Variants in CELF2 observed in about 807,000 individuals in gnomAD.
The protein encoded by CELF2 is CUGBP Elav-like family member 2, also known as CUG triplet repeat RNA-binding protein 2.
In CELF2, 8 loss-of-function variants were observed where a neutral mutation model predicts 62.6. That is an observed-to-expected ratio of 0.13 (90% CI 0.07 to 0.23). The LOEUF is 0.23. CELF2 is among the 10% of genes least tolerant of loss of function. The pLI, the probability that CELF2 is intolerant of heterozygous loss-of-function variation, is 1.00. For missense variants in CELF2, 333 were observed against 671.0 expected (o/e 0.50, Z 5.56); for synonymous variants, 258 against 250.0 (o/e 1.03, Z -0.30).
the CELF2 span, among the ~76,000 whole-genome samples, chr10:10,697,012 T>G: frequency 6.6e-6 from 1 of 152,152 alleles, no homozygotes; most frequent in African/African-American, 2.4e-5. Context: ...TTATGGTGAT[T>G]TTTAAGGTAC....
chr10:11,226,363 G>GT (rs1565412949), intron 3 of CELF2, among the ~76,000 whole-genome samples: 1 of 152,234 alleles, frequency 6.6e-6, no homozygotes, highest in Non-Finnish European at 1.5e-5. Flanking sequence ...CTGTGTGTTG[G>GT]TGCAGGCTTG....
chr10:11,165,548 C>T lies in CELF2; in HGVS notation c.137C>T (p.Ala46Val). 6.2e-7 allele frequency: 1 copy of T among 1,614,188 alleles called. No individual in the cohort carries two copies. Among genetic ancestry groups the T allele is most frequent in the Non-Finnish European group, 8.5e-7 (1 of 1,180,028 alleles). The change falls in exon 2 of 13, where the codon GCC becomes GTC. Residue 46 changes from alanine to valine, a missense_variant. Physicochemically the swap from Ala to Val is moderately conservative, Grantham distance 64. Coordinates refer to ENST00000633077, the MANE Select transcript of CELF2 (RefSeq NM_001326342.2). The surrounding 1 kb of genome is among the most constrained non-coding windows in gnomAD (Gnocchi z 7.4). ...CACTCAGACCAACCAGACCCAGATG[C>T]CATTAAGATGTTTGTCGGACAGATC... is the stretch of plus-strand genomic sequence containing the variant. The part of the protein sequence containing the change: ...LDHSDQPDPD[A>V]IKMFVGQIPR...
intron 2 of CELF2, among the ~76,000 whole-genome samples, chr10:11,198,180 G>A (rs928288478): frequency 9.2e-5 from 14 of 152,238 alleles, no homozygotes; most frequent in Admixed American, 5.2e-4. Flanking sequence ...GGATAGCTGT[G>A]TAATCAGTCC....
chr10:10,713,506 C>G, the CELF2 span, among the ~76,000 whole-genome samples: 1 of 152,224 alleles, frequency 6.6e-6, no homozygotes, highest in Non-Finnish European at 1.5e-5. Flanking sequence ...ATGTGCCTGC[C>G]TACCTGCAGA....
chr10:11,024,453 T>C (rs1242453786), intron 1 of CELF2, among the ~76,000 whole-genome samples: 1 of 151,996 alleles, frequency 6.6e-6, no homozygotes, highest in East Asian at 1.9e-4. Context: ...ATACAAAAAT[T>C]AGTTCGCCGT....
At position 11,260,172 on chromosome 10, in the gene CELF2, C is replaced by T. The variant is rs570313482; in HGVS notation, c.538+2300C>T. 2.5e-4 allele frequency among the ~76,000 whole-genome samples: 38 copies of T among 152,328 alleles called. No individual in the cohort carries two copies. The South Asian group carries it at 7.5e-3, about 30-fold the overall frequency. ...TAAATGACAGCCGTAACTATATCTGCCCTGCTTCTCTTGCAGGGAGTCATT... is the reference window on the plus strand; with the variant it reads ...TAAATGACAGCCGTAACTATATCTGTCCTGCTTCTCTTGCAGGGAGTCATT... On this transcript the variant is annotated intron_variant, in intron 5 of 12. Coordinates refer to ENST00000633077, the MANE Select transcript of CELF2 (RefSeq NM_001326342.2). This position sits in a 1 kb window ranked among gnomAD's most constrained non-coding sequence, Gnocchi z 4.2.
chr10:10,774,401 G>A, the CELF2 span, among the ~76,000 whole-genome samples: 1 of 152,230 alleles, frequency 6.6e-6, no homozygotes, highest in African/African-American at 2.4e-5. Context: ...AATCCCCCAT[G>A]CTGGAGGTGG....
chr10:10,976,689 G>A (rs900420377), intron 2 of CELF2, among the ~76,000 whole-genome samples: 1 of 152,064 alleles, frequency 6.6e-6, no homozygotes, highest in Non-Finnish European at 1.5e-5. Context: ...TGCTTATAAA[G>A]TATTGATGAT....
At chr10:11,115,023 A>G (rs1034933358) in intron 1 of CELF2, among the ~76,000 whole-genome samples, 1 of 152,228 alleles carries the variant, frequency 6.6e-6, no homozygotes, top group African/African-American at 2.4e-5. Flanking sequence ...TTTTGCAAGG[A>G]TGAATTCAAA....
At chr10:10,505,652 G>A in the CELF2 span, among the ~76,000 whole-genome samples, 31 of 152,090 alleles carry the variant, frequency 2.0e-4, no homozygotes, top group Admixed American at 2.0e-3. Context: ...AGCTTGGTGA[G>A]GGTAAAATTC....
rs188020647 is a variant in CELF2, at chr10:11,079,209, A to G, written c.74+61046A>G. On this transcript the variant is annotated intron_variant, in intron 1 of 12. Coordinates refer to ENST00000633077, the MANE Select transcript of CELF2 (RefSeq NM_001326342.2). Reference sequence around the variant, plus strand: ...CAAGAGAGGAGTATCTCAAAAATGTATAAATTTCATACGTTTTTTGTACTT... The same window carrying G: ...CAAGAGAGGAGTATCTCAAAAATGTGTAAATTTCATACGTTTTTTGTACTT... Among the ~76,000 whole-genome samples, 55 of 152,306 alleles carry G rather than the reference A, an allele frequency of 3.6e-4. No individual in the cohort carries two copies. The East Asian group carries it at 8.5e-3, about 23-fold the overall frequency.
the CELF2 span, among the ~76,000 whole-genome samples, chr10:10,693,990 G>T: frequency 1.3e-5 from 2 of 150,948 alleles, no homozygotes; most frequent in Admixed American, 6.6e-5. Context: ...TTTTTGAAGG[G>T]TTTTTTGTGT....
At chr10:11,014,076 G>T (rs746757694), upstream of CELF2, among the ~76,000 whole-genome samples, 1 of 152,260 alleles carries the variant, frequency 6.6e-6, no homozygotes, top group East Asian at 1.9e-4. Context: ...CCAAATGGCT[G>T]TGAGCACGCT....
At chr10:11,248,326 G>A (rs1050185192) in intron 3 of CELF2, among the ~76,000 whole-genome samples, 4 of 152,080 alleles carry the variant, frequency 2.6e-5, no homozygotes, top group African/African-American at 4.8e-5. Flanking sequence ...TGGGTCCCCC[G>A]GGTCCACTGT....
intron 2 of CELF2, among the ~76,000 whole-genome samples, chr10:10,924,724 CTTTTT>C (rs745848953): frequency 3.4e-5 from 3 of 89,144 alleles, no homozygotes; most frequent in Admixed American, 1.5e-4. Flanking sequence ...AACTTGATCG[CTTTTT>C]TTTTTTTTTT....
intron 2 of CELF2, chr10:10,924,932 T>C (rs1056035027): frequency 9.9e-5 from 15 of 152,174 alleles, no homozygotes; most frequent in Non-Finnish European, 1.8e-4. Context: ...AATTCTGGTC[T>C]TAAGTCATAG....
At chr10:11,028,083 G>T (rs1262817065) in intron 1 of CELF2, among the ~76,000 whole-genome samples, 1 of 152,204 alleles carries the variant, frequency 6.6e-6, no homozygotes, top group Non-Finnish European at 1.5e-5. Context: ...TTGCTCCCAA[G>T]TGAACTTTCA....
the CELF2 span, among the ~76,000 whole-genome samples, chr10:10,693,780 T>A: frequency 6.6e-6 from 1 of 151,424 alleles, no homozygotes; most frequent in African/African-American, 2.4e-5. Flanking sequence ...TTCTTCTAGA[T>A]TTTCTGGTTT....
In CELF2 at chr10:10,962,349, C is replaced by T. The variant is rs564766858; in HGVS notation, c.89+42350C>T. Reference sequence around the variant, plus strand: ...TCTGTGGCCACTCACAAAGCCACTACTTGTTATAGGATAAGACCAGAATTC... The same window carrying T: ...TCTGTGGCCACTCACAAAGCCACTATTTGTTATAGGATAAGACCAGAATTC... On this transcript the variant is annotated intron_variant, in intron 2 of 13. Coordinates refer to the CELF2 transcript ENST00000636488. Among the ~76,000 whole-genome samples, 432 of 152,372 alleles carry T rather than the reference C, an allele frequency of 2.8e-3. 2 individuals carry two copies. The highest frequency in any genetic ancestry group is 6.9e-3 in the Admixed American group (105 of 15,310).
Sources: gnomAD v4.1 joint callset for allele counts (sites outside exome capture counted in the v4.1 genomes callset) on GRCh38, gnomAD v4.1.1 for gene constraint, Gnocchi (gnomAD v3.1) non-coding constraint, MANE v1.5 for transcripts, NCBI Gene and HGNC (gene_info 2026-07-23, HGNC 2026-07-21) for gene names.